The following ANKRD28 variants were observed in gnomAD, a reference collection of about 807,000 sequenced individuals.
The protein encoded by ANKRD28 is ankyrin repeat domain 28.
In ANKRD28, 44 loss-of-function variants were observed where a neutral mutation model predicts 126.5. The observed-to-expected ratio is 0.35, with a 90% confidence interval of 0.27 to 0.45. The LOEUF is 0.45. Among genes scored for constraint, ANKRD28 ranks in the 20% least tolerant of loss-of-function variants. The pLI is 1.00. For synonymous variants in ANKRD28, 442 were observed against 468.5 expected (o/e 0.94, Z 0.73); for missense variants, 1,110 against 1,316.6 (o/e 0.84, Z 2.43).
intron 2 of ANKRD28, among the ~76,000 whole-genome samples, chr3:15,779,077 A>T (rs2059428759): frequency 6.6e-6 from 1 of 152,172 alleles, no homozygotes; most frequent in African/African-American, 2.4e-5. Flanking sequence ...TAAATTACCC[A>T]GTCTCAGGTA....
chr3:15,692,704 C>A (rs559710430), intron 17 of ANKRD28, among the ~76,000 whole-genome samples: 1 of 152,184 alleles, frequency 6.6e-6, no homozygotes, highest in South Asian at 2.1e-4. Flanking sequence ...CTTCTGAAAA[C>A]CTCCTAGAGA....
chr3:15,685,152 T>C lies in ANKRD28; in HGVS notation c.2389+74A>G. The C allele has an allele frequency of 2.0e-6, 3 of 1,521,440 alleles. No individual in the cohort carries two copies. In the South Asian group the frequency reaches 3.4e-5, roughly 17 times the overall value. The allele number at this position is 1,521,440 out of a possible 1,614,324, so 94.2% of individuals were successfully genotyped here. On this transcript the variant is annotated intron_variant, in intron 21 of 27. Coordinates refer to ENST00000683139, the MANE Select transcript of ANKRD28 (RefSeq NM_001349278.2). ...TTTTTGCTAATTTTAAACTTAAAAT[T>C]TGCCTTATAAATATGTCATTCTTTT...
chr3:15,716,930 C>G (rs1157225482), intron 8 of ANKRD28, among the ~76,000 whole-genome samples: 1 of 152,104 alleles, frequency 6.6e-6, no homozygotes, highest in Non-Finnish European at 1.5e-5. Context: ...CCACTGCACT[C>G]TGGGCTGGTC....
chr3:15,736,954 T>G, intron 5 of ANKRD28, 79 bp downstream of exon 5: 1 of 1,433,632 alleles, frequency 7.0e-7, no homozygotes, highest in Non-Finnish European at 9.7e-7. Context: ...GCCTTTACTA[T>G]GCAAAAATGC....
chr3:15,745,331 A>T (rs2057404402), intron 4 of ANKRD28, among the ~76,000 whole-genome samples: 2 of 152,160 alleles, frequency 1.3e-5, no homozygotes, highest in African/African-American at 4.8e-5. Flanking sequence ...TATCTTCTAG[A>T]ATCTCTATGG....
At chr3:15,705,702 T>G (rs1486182155) in intron 14 of ANKRD28, among the ~76,000 whole-genome samples, 1 of 152,204 alleles carries the variant, frequency 6.6e-6, no homozygotes, top group Non-Finnish European at 1.5e-5. Flanking sequence ...TACTATTGCC[T>G]TTAAGATTAG....
At chr3:15,722,277 T>C (rs139205570) in intron 7 of ANKRD28, among the ~76,000 whole-genome samples, 377 of 152,302 alleles carry the variant, frequency 2.5e-3, no homozygotes, top group African/African-American at 8.5e-3. Flanking sequence ...AGCCATATAA[T>C]GGAGCCCCAA....
At chr3:15,692,093 A>C (rs1532767) in intron 17 of ANKRD28, among the ~76,000 whole-genome samples, 52 of 149,930 alleles carry the variant, frequency 3.5e-4, no homozygotes, top group Non-Finnish European at 5.6e-4. Flanking sequence ...TGAGCTGGGA[A>C]TGCACCACTG....
intron 3 of ANKRD28, among the ~76,000 whole-genome samples, chr3:15,759,892 G>C (rs1350630327): frequency 1.3e-5 from 2 of 152,106 alleles, no homozygotes; most frequent in South Asian, 4.1e-4. Context: ...AGACGATCTA[G>C]AGCTGTCTGG....
At chr3:15,791,428 T>G (rs553365931) in intron 2 of ANKRD28, among the ~76,000 whole-genome samples, 1 of 151,622 alleles carries the variant, frequency 6.6e-6, no homozygotes, top group East Asian at 1.9e-4. Flanking sequence ...CGTGTACCAA[T>G]AGAACAGAAC....
At position 15,817,265 on chromosome 3, in the gene ANKRD28, T is replaced by TC. The variant is rs1051980383; in HGVS notation, c.28-21960_28-21959insG. 4.1e-5 allele frequency among the ~76,000 whole-genome samples: 1 copy of TC among 24,486 alleles called. No homozygotes were observed. The highest frequency in any genetic ancestry group is 1.3e-4 in the Non-Finnish European group (1 of 7,412). 16.1% of individuals were successfully genotyped at this position (24,486 alleles called of 152,430 possible). On this transcript the variant is annotated intron_variant, in intron 1 of 27. Coordinates refer to the ANKRD28 transcript ENST00000399451. The surrounding 1 kb of genome is among the most constrained non-coding windows in gnomAD (Gnocchi z 4.5). ...TATCTTGTCAGTAGAAGTACCATGG[T>TC]TTTTTTTTCCTTGTTATTTTGTTTT...
chr3:15,671,306 G>C (rs993816613), intron 27 of ANKRD28, among the ~76,000 whole-genome samples: 4 of 152,180 alleles, frequency 2.6e-5, no homozygotes, highest in African/African-American at 9.7e-5. Context: ...GTTGGTACAA[G>C]ACTCAGTCTT....
chr3:15,814,347 TG>T lies in ANKRD28; in HGVS notation c.28-19042del. The stretch of plus-strand genomic sequence containing the variant: ...ACAGATATCAAAAGAAAGAATACGC[TG>T]ATCCTAGAAATTAAGGGCTATGTTA... On this transcript the variant is annotated intron_variant, in intron 1 of 27. Coordinates refer to the ANKRD28 transcript ENST00000399451. This position sits in a 1 kb window ranked among gnomAD's most constrained non-coding sequence, Gnocchi z 4.7. 1 of 1,161,970 alleles carries T rather than the reference TG, an allele frequency of 8.6e-7. No individual in the cohort carries two copies. The highest frequency in any genetic ancestry group is 1.1e-6 in the Non-Finnish European group (1 of 891,480). 72.0% of individuals were successfully genotyped at this position (1,161,970 alleles called of 1,614,324 possible). A position where few individuals can be genotyped will look rare whatever the true frequency, so the allele number is the denominator to read the frequency against.
rs1319831136 is a variant in ANKRD28 at position 15,695,043 on chromosome 3, C to A, written c.1686+145G>T. On this transcript the variant is annotated intron_variant, in intron 16 of 27. Coordinates refer to ENST00000683139, the MANE Select transcript of ANKRD28 (RefSeq NM_001349278.2). Reference sequence around the variant, plus strand: ...TGCCACCAAGTAAACATCTTCCTTTCCTCTGTACACATGATTTCTGTCACC... The same window carrying A: ...TGCCACCAAGTAAACATCTTCCTTTACTCTGTACACATGATTTCTGTCACC... 10 of 763,784 alleles carry A rather than the reference C, an allele frequency of 1.3e-5. No individual in the cohort carries two copies. The East Asian group carries it at 2.4e-4, about 18-fold the overall frequency. The allele number at this position is 763,784 out of a possible 1,614,324, so 47.3% of individuals were successfully genotyped here.
rs868278609 is a variant in ANKRD28, at chr3:15,793,721, G to A, written c.201+1502C>T. Among the ~76,000 whole-genome samples the A allele has an allele frequency of 1.4e-4, 22 of 152,172 alleles. 1 individual carries two copies. Among genetic ancestry groups the A allele is most frequent in the South Asian group, 2.1e-4 (1 of 4,832 alleles). On this transcript the variant is annotated intron_variant, in intron 2 of 27. Coordinates refer to ENST00000683139, the MANE Select transcript of ANKRD28 (RefSeq NM_001349278.2). ...CCCCTTGAGCTATTTTCTAAGAAAC[G>A]CATACTCTTCAGTATACCCTGGGTA...
intron 1 of ANKRD28, among the ~76,000 whole-genome samples, chr3:15,805,399 T>A (rs1287873106): frequency 2.6e-5 from 4 of 152,180 alleles, no homozygotes; most frequent in Non-Finnish European, 4.4e-5. Flanking sequence ...GTCTTTTTTT[T>A]AAAGTTGTGA....
intron 9 of ANKRD28, 89 bp from the exon 10 acceptor site, chr3:15,713,730 C>T (rs1467927977): frequency 4.0e-6 from 3 of 751,014 alleles, no homozygotes; most frequent in African/African-American, 3.6e-5. Flanking sequence ...ATGCTGTTCA[C>T]ATACAAACTA....
At chr3:15,770,408 A>G (rs1227591350) in intron 2 of ANKRD28, among the ~76,000 whole-genome samples, 1 of 137,668 alleles carries the variant, frequency 7.3e-6, no homozygotes, top group Non-Finnish European at 1.5e-5. Flanking sequence ...GAATACATAT[A>G]TATACATATA....
In ANKRD28 at chr3:15,689,886, T is replaced by G. The variant is rs1050363272; in HGVS notation, c.1963+133A>C. The G allele has an allele frequency of 4.0e-6, 3 of 757,088 alleles. No individual in the cohort carries two copies. The African/African-American group carries it at 5.4e-5, about 14-fold the overall frequency. The allele number at this position is 757,088 out of a possible 1,614,324, so 46.9% of individuals were successfully genotyped here. ...AATAAAGTTATTTGGTGAGGTCAAA[T>G]AATCCATATATGATTTGAAAAAAAA... On this transcript the variant is annotated intron_variant, in intron 18 of 27. Transcript: ENST00000683139.
Sources: allele counts gnomAD v4.1 joint callset (sites outside exome capture counted in the v4.1 genomes callset), GRCh38; gene constraint gnomAD v4.1.1; non-coding constraint Gnocchi (gnomAD v3.1); transcripts MANE v1.5; gene names NCBI Gene and HGNC (gene_info 2026-07-23, HGNC 2026-07-21).